The following RHOH variants were observed in gnomAD, a reference collection of about 807,000 sequenced individuals.
RHOH encodes rho-related GTP-binding protein RhoH.
In RHOH, 6 loss-of-function variants were observed where a neutral mutation model predicts 13.8. The observed-to-expected ratio is 0.44, with a 90% CI of 0.24 to 0.86. The LOEUF (loss-of-function observed/expected upper bound fraction) is 0.86. RHOH is among the 40% of genes least tolerant of loss of function. The probability of loss-of-function intolerance (pLI) is 0.24; values close to 1 mark genes in which losing one functional copy is unlikely to be tolerated. For synonymous variants in RHOH, 117 were observed against 103.0 expected (o/e 1.14, Z -0.82); for missense variants, 147 against 244.5 (o/e 0.60, Z 2.66).
chr4:40,229,078 C>G (rs1216822230), intron 1 of RHOH, among the ~76,000 whole-genome samples: 5 of 152,062 alleles, frequency 3.3e-5, no homozygotes, highest in African/African-American at 9.7e-5. Flanking sequence ...ATAGTGATGT[C>G]TTACTGAGTT....
chr4:40,229,877 A>T (rs1727695944), intron 1 of RHOH, among the ~76,000 whole-genome samples: 1 of 152,142 alleles, frequency 6.6e-6, no homozygotes, highest in African/African-American at 2.4e-5. Context: ...TCATCAATAC[A>T]TCAACATCTC....
chr4:40,236,851 C>A (rs755056272), intron 1 of RHOH, among the ~76,000 whole-genome samples: 1 of 151,826 alleles, frequency 6.6e-6, no homozygotes, highest in African/African-American at 2.4e-5. Context: ...TGCACATACA[C>A]TTATGTACAC....
At chr4:40,201,646 G>T (rs763366137) in intron 1 of RHOH, among the ~76,000 whole-genome samples, 11 of 152,026 alleles carry the variant, frequency 7.2e-5, no homozygotes, top group Middle Eastern at 3.4e-3. Context: ...AATAAATCAG[G>T]CTCCCCACCT....
At chr4:40,199,597 C>T (rs1723698653) in intron 1 of RHOH, among the ~76,000 whole-genome samples, 1 of 152,208 alleles carries the variant, frequency 6.6e-6, no homozygotes, top group Non-Finnish European at 1.5e-5. Flanking sequence ...CCTTGGTTGA[C>T]GTCGCTCTCT....
intron 1 of RHOH, among the ~76,000 whole-genome samples, chr4:40,233,818 T>A (rs1438129785): frequency 6.6e-6 from 1 of 151,978 alleles, no homozygotes; most frequent in Non-Finnish European, 1.5e-5. Flanking sequence ...CCCAGCTACT[T>A]GGGAGGCTGA....
At chr4:40,238,436 C>T (rs1007277371) in intron 1 of RHOH, among the ~76,000 whole-genome samples, 5 of 152,178 alleles carry the variant, frequency 3.3e-5, no homozygotes, top group Admixed American at 2.0e-4. Flanking sequence ...CTCAGTTCTC[C>T]GGAGGAGGAA....
chr4:40,206,956 C>A (rs189197615), intron 1 of RHOH, among the ~76,000 whole-genome samples: 2 of 152,250 alleles, frequency 1.3e-5, no homozygotes, highest in African/African-American at 4.8e-5. Flanking sequence ...TGCCTGTAAT[C>A]CCAGCACTTT....
chr4:40,223,503 C>T, intron 1 of RHOH, among the ~76,000 whole-genome samples: 1 of 122,386 alleles, frequency 8.2e-6, no homozygotes, highest in African/African-American at 3.1e-5. Context: ...GAGGGTCTTG[C>T]TCTGTTGCCC....
chr4:40,207,854 C>G lies in RHOH; in HGVS notation c.-331+10554C>G, dbSNP rs1724833893. ...TGGTTGCTCACACCTGTAATCCCAG[C>G]TACATGGGAGGCTGAGGCACAGAAT... On this transcript the variant is annotated intron_variant, in intron 1 of 2. Coordinates refer to ENST00000381799, the MANE Select transcript of RHOH (RefSeq NM_004310.5). 2.0e-5 allele frequency among the ~76,000 whole-genome samples: 3 copies of G among 152,216 alleles called. No individual in the cohort carries two copies. The South Asian group carries it at 6.2e-4, about 31-fold the overall frequency.
At chr4:40,213,725 A>G (rs532152858) in intron 1 of RHOH, among the ~76,000 whole-genome samples, 4 of 152,038 alleles carry the variant, frequency 2.6e-5, no homozygotes, top group African/African-American at 9.6e-5. Flanking sequence ...GAGCCTCTCC[A>G]TTGTAATTTT....
chr4:40,212,728 A>G (rs1725409229), intron 1 of RHOH: 1 of 152,234 alleles, frequency 6.6e-6, no homozygotes, highest in Non-Finnish European at 1.5e-5. Flanking sequence ...GATGGAAGAT[A>G]TATTTGGTAG....
rs143293293 is a variant in RHOH at position 40,223,905 on chromosome 4, T to C, written c.-330-18809T>C. On this transcript the variant is annotated intron_variant, in intron 1 of 2. Transcript: ENST00000381799. ...CTCCTGCCTCAGCCTCCCAAGTAGC[T>C]GGGATTACAGGCATGTGCCACCATG... Among the ~76,000 whole-genome samples the C allele has an allele frequency of 5.5e-3, 832 of 151,564 alleles. 22 individuals are homozygous for C. The highest frequency in any genetic ancestry group is 0.042 in the South Asian group (201 of 4,790).
In RHOH at chr4:40,246,914, T is replaced by C. The variant is rs1049466150; in HGVS notation, c.*2952T>C. The C allele has an allele frequency of 1.3e-5, 2 of 152,258 alleles. No individual in the cohort carries two copies. Among genetic ancestry groups the C allele is most frequent in the Non-Finnish European group, 2.9e-5 (2 of 68,046 alleles). The allele number at this position is 152,258 out of a possible 1,614,324, so 9.4% of individuals were successfully genotyped here. A position where few individuals can be genotyped will look rare whatever the true frequency, so the allele number is the denominator to read the frequency against. The stretch of plus-strand genomic sequence containing the variant: ...ACTATTGCATATCGATTCTTAACTA[T>C]TCCAAGTAGCAGCATTAAATATGTT... On this transcript the variant is annotated 3_prime_UTR_variant, in exon 3 of 3. Coordinates refer to ENST00000381799, the MANE Select transcript of RHOH (RefSeq NM_004310.5).
chr4:40,222,545 A>C (rs368172822), intron 1 of RHOH, among the ~76,000 whole-genome samples: 1 of 152,252 alleles, frequency 6.6e-6, no homozygotes. Context: ...AGCAATGTCT[A>C]CTGAATAATT....
chr4:40,232,730 C>T (rs1728093076), intron 1 of RHOH, among the ~76,000 whole-genome samples: 1 of 152,112 alleles, frequency 6.6e-6, no homozygotes. Flanking sequence ...CTTCCTGCTC[C>T]CCACTGAGCA....
At chr4:40,192,778 C>T (rs1212071189), upstream of RHOH, among the ~76,000 whole-genome samples, 1 of 152,100 alleles carries the variant, frequency 6.6e-6, no homozygotes, top group Non-Finnish European at 1.5e-5. Context: ...AGAAAATGGG[C>T]CTTGGGGCTC....
chr4:40,225,461 A>T (rs1727108570), intron 1 of RHOH, among the ~76,000 whole-genome samples: 1 of 152,226 alleles, frequency 6.6e-6, no homozygotes, highest in African/African-American at 2.4e-5. Flanking sequence ...AATAAAAAAT[A>T]AACAGTCTGT....
chr4:40,228,477 C>T (rs1727507047), intron 1 of RHOH, among the ~76,000 whole-genome samples: 1 of 152,048 alleles, frequency 6.6e-6, no homozygotes, highest in Non-Finnish European at 1.5e-5. Context: ...TCTGTTTGGA[C>T]CAGCAAGTAA....
chr4:40,214,093 A>T (rs140087034), intron 1 of RHOH, among the ~76,000 whole-genome samples: 1 of 152,316 alleles, frequency 6.6e-6, no homozygotes, highest in East Asian at 1.9e-4. Flanking sequence ...TGCATGAAGC[A>T]TACAGTACTG....
Sources: gnomAD v4.1 joint callset for allele counts (sites outside exome capture counted in the v4.1 genomes callset) on GRCh38, gnomAD v4.1.1 for gene constraint, MANE v1.5 for transcripts, NCBI Gene and HGNC (gene_info 2026-07-23, HGNC 2026-07-21) for gene names.